The following ASXL2 variants were observed in gnomAD, a reference collection of about 807,000 sequenced individuals.
The protein encoded by ASXL2 is ASXL transcriptional regulator 2.
Under a neutral mutation model 122.0 loss-of-function variants are expected in ASXL2, and 23 were observed. The ratio of observed to expected loss-of-function variants is 0.19; its 90% confidence interval spans 0.14 to 0.27. The LOEUF is 0.27. Ranked by LOEUF, ASXL2 falls within the 10% of genes least tolerant of loss-of-function variation. The probability of loss-of-function intolerance (pLI) is 1.00; values close to 1 mark genes in which losing one functional copy is unlikely to be tolerated. For synonymous variants in ASXL2, 650 were observed against 637.0 expected (o/e 1.02, Z -0.31); for missense variants, 1,518 against 1,713.8 (o/e 0.89, Z 2.02).
intron 5 of ASXL2, among the ~76,000 whole-genome samples, chr2:25,789,992 G>T (rs1418748940): frequency 6.6e-6 from 1 of 152,014 alleles, no homozygotes; most frequent in Non-Finnish European, 1.5e-5. Flanking sequence ...GGAGATGGGG[G>T]TTATTTTCTG....
intron 12 of ASXL2, among the ~76,000 whole-genome samples, chr2:25,747,006 T>A (rs1391657080): frequency 6.6e-6 from 1 of 152,234 alleles, no homozygotes; most frequent in Admixed American, 6.5e-5. Flanking sequence ...TATTTGCAGA[T>A]AACCTCCACA....
chr2:25,826,948 T>C (rs1486137690), intron 3 of ASXL2, among the ~76,000 whole-genome samples: 2 of 151,282 alleles, frequency 1.3e-5, no homozygotes, highest in African/African-American at 2.4e-5. Context: ...CTCCTCAGCC[T>C]CTTGAGTAGC....
At chr2:25,860,045 G>C (rs898435361) in intron 1 of ASXL2, among the ~76,000 whole-genome samples, 3 of 152,130 alleles carry the variant, frequency 2.0e-5, no homozygotes, top group African/African-American at 7.2e-5. Flanking sequence ...TAAATGCTCA[G>C]GCATGGTGGC....
chr2:25,850,425 C>T (rs528230611), intron 1 of ASXL2, among the ~76,000 whole-genome samples: 2 of 152,288 alleles, frequency 1.3e-5, no homozygotes, highest in East Asian at 1.9e-4. Flanking sequence ...ATTGTAGTTA[C>T]ACACATTCTG....
intron 5 of ASXL2, among the ~76,000 whole-genome samples, chr2:25,782,260 C>A (rs1371937622): frequency 1.3e-5 from 2 of 151,984 alleles, no homozygotes; most frequent in African/African-American, 4.8e-5. Context: ...ATAAACAACT[C>A]TAGGCCAGGC....
At chr2:25,784,286 C>T (rs79758618) in intron 5 of ASXL2, among the ~76,000 whole-genome samples, 1 of 151,884 alleles carries the variant, frequency 6.6e-6, no homozygotes, top group African/African-American at 2.4e-5. Flanking sequence ...GTAGGTGGCA[C>T]CAAACCCTTG....
chr2:25,859,747 G>T (rs2089822501), intron 1 of ASXL2, among the ~76,000 whole-genome samples: 1 of 152,082 alleles, frequency 6.6e-6, no homozygotes, highest in African/African-American at 2.4e-5. Flanking sequence ...CAAATTAAAA[G>T]AAACAAATCA....
At chr2:25,746,724 CTAAAAA>C (rs2087948786) in intron 12 of ASXL2, among the ~76,000 whole-genome samples, 1 of 152,032 alleles carries the variant, frequency 6.6e-6, no homozygotes, top group Non-Finnish European at 1.5e-5. Flanking sequence ...GTTTCGATAC[CTAAAAA>C]TAAGTTTCAG....
intron 5 of ASXL2, among the ~76,000 whole-genome samples, chr2:25,790,265 A>G: frequency 7.8e-6 from 1 of 127,756 alleles, no homozygotes; most frequent in Admixed American, 9.2e-5. Context: ...ATGATGAATA[A>G]TTTGAGAATA....
At chr2:25,767,841 C>T (rs989546395) in intron 7 of ASXL2, 115 bp from the exon 8 acceptor site, 5 of 1,187,382 alleles carry the variant, frequency 4.2e-6, no homozygotes, top group Admixed American at 4.5e-5. Context: ...TGTGACCCTC[C>T]CTAATGTGTT....
chr2:25,833,429 T>C (rs1232439196), intron 3 of ASXL2, among the ~76,000 whole-genome samples: 1 of 152,200 alleles, frequency 6.6e-6, no homozygotes, highest in East Asian at 1.9e-4. Flanking sequence ...GCATGGTGGC[T>C]CATGCCTGTA....
In ASXL2 at chr2:25,739,067, C is replaced by T. The variant is rs2087783511; in HGVS notation, c.*2962G>A. The T allele has an allele frequency of 6.6e-6, 1 of 152,162 alleles. No homozygotes were observed. The allele number at this position is 152,162 out of a possible 1,614,324, so 9.4% of individuals were successfully genotyped here. ...CAACTTAGAATCTTTATAAACAAGACTGAGACTATATTATTGATGCTATCT... is the reference window on the plus strand; with the variant it reads ...CAACTTAGAATCTTTATAAACAAGATTGAGACTATATTATTGATGCTATCT... On this transcript the variant is annotated 3_prime_UTR_variant, in exon 13 of 13. Coordinates refer to ENST00000435504, the MANE Select transcript of ASXL2 (RefSeq NM_018263.6).
At chr2:25,773,862 C>T (rs2088502848) in intron 5 of ASXL2, among the ~76,000 whole-genome samples, 1 of 150,798 alleles carries the variant, frequency 6.6e-6, no homozygotes, top group African/African-American at 2.4e-5. Context: ...GAAACCCCGC[C>T]TCTACTAAAA....
chr2:25,866,371 C>T (rs1328226100), intron 1 of ASXL2, among the ~76,000 whole-genome samples: 1 of 152,106 alleles, frequency 6.6e-6, no homozygotes, highest in Non-Finnish European at 1.5e-5. Flanking sequence ...CCTCGTGAGT[C>T]GCCCGCCTTG....
rs186420172 is a variant in ASXL2, at chr2:25,793,958, A to G, written c.403+5427T>C. On this transcript the variant is annotated intron_variant, in intron 5 of 12. Coordinates refer to ENST00000435504, the MANE Select transcript of ASXL2 (RefSeq NM_018263.6). ...TGCTAAAACCTCCAATTCAGCCACC[A>G]ATAATAACCTCAGAGGAAAAGAGAA... Among the ~76,000 whole-genome samples, 131 of 152,334 alleles carry G rather than the reference A, an allele frequency of 8.6e-4. 1 individual carries two copies. Among genetic ancestry groups the G allele is most frequent in the African/African-American group, 2.9e-3 (120 of 41,568 alleles).
At chr2:25,845,005 C>T (rs942943589) in intron 2 of ASXL2, among the ~76,000 whole-genome samples, 6 of 152,032 alleles carry the variant, frequency 3.9e-5, no homozygotes, top group Non-Finnish European at 8.8e-5. Context: ...TACTAATGGC[C>T]CAAGTCTATT....
intron 2 of ASXL2, among the ~76,000 whole-genome samples, chr2:25,844,808 A>G (rs1427313314): frequency 6.6e-6 from 1 of 151,928 alleles, no homozygotes; most frequent in Non-Finnish European, 1.5e-5. Context: ...TCTAGTTAAT[A>G]CAATTTTTCG....
At chr2:25,842,267 G>A (rs1457712751) in intron 2 of ASXL2, among the ~76,000 whole-genome samples, 1 of 152,136 alleles carries the variant, frequency 6.6e-6, no homozygotes, top group African/African-American at 2.4e-5. Context: ...CAATAGGTGA[G>A]CGAAAGCACA....
In ASXL2 at chr2:25,786,240, ATTCTT is replaced by A. The variant is rs897355917; in HGVS notation, c.403+13140_403+13144del. Among the ~76,000 whole-genome samples the A allele has an allele frequency of 6.0e-4, 25 of 41,588 alleles. No homozygotes were observed. The East Asian group carries it at 0.017, about 28-fold the overall frequency. The allele number at this position is 41,588 out of a possible 152,430, so 27.3% of individuals were successfully genotyped here. A position where few individuals can be genotyped will look rare whatever the true frequency, so the allele number is the denominator to read the frequency against. On this transcript the variant is annotated intron_variant, in intron 5 of 12. Transcript: ENST00000435504. The stretch of plus-strand genomic sequence containing the variant: ...TACAAACAACCTACTACTCCACATC[ATTCTT>A]TTTTTTTTTTTTTTGAGATGGAGTC...
Sources: allele counts gnomAD v4.1 joint callset (sites outside exome capture counted in the v4.1 genomes callset), GRCh38; gene constraint gnomAD v4.1.1; transcripts MANE v1.5; gene names NCBI Gene and HGNC (gene_info 2026-07-23, HGNC 2026-07-21).